The following S100Z variants were observed in gnomAD, a reference collection of about 807,000 sequenced individuals.
S100Z encodes protein S100-Z.
A neutral mutation model predicts 8.5 loss-of-function variants in S100Z; 11 were observed. The ratio of observed to expected loss-of-function variants is 1.30; its 90% CI spans 0.82 to 2.15. The LOEUF (loss-of-function observed/expected upper bound fraction) is 2.15. Ranked by LOEUF, S100Z falls within the 30% of genes most tolerant of loss-of-function variation. S100Z has a pLI of 0.00. For missense variants in S100Z, 126 were observed against 117.9 expected (o/e 1.07, Z -0.32); for synonymous variants, 34 against 43.8 (o/e 0.78, Z 0.89).
intron 1 of S100Z, among the ~76,000 whole-genome samples, chr5:76,862,706 G>A (rs1249094695): frequency 1.3e-5 from 2 of 152,096 alleles, no homozygotes; most frequent in Non-Finnish European, 2.9e-5. Flanking sequence ...GGAGGCTGAG[G>A]CATGAGTATG....
chr5:76,853,912 G>A (rs1273070548), intron 1 of S100Z, among the ~76,000 whole-genome samples: 1 of 152,124 alleles, frequency 6.6e-6, no homozygotes, highest in African/African-American at 2.4e-5. Flanking sequence ...CCTTGGTGCT[G>A]TTCTCATGAT....
intron 4 of S100Z, among the ~76,000 whole-genome samples, chr5:76,898,936 T>TTTC: frequency 7.1e-6 from 1 of 140,804 alleles, no homozygotes. Context: ...TTCTTTTCTT[T>TTTC]TTTTTTTTTT....
intron 1 of S100Z, among the ~76,000 whole-genome samples, chr5:76,861,210 A>G (rs920451715): frequency 6.6e-6 from 1 of 152,140 alleles, no homozygotes; most frequent in Non-Finnish European, 1.5e-5. Context: ...GTCAGTTGGT[A>G]CTGGTTGCCA....
chr5:76,885,361 G>A (rs1171264888), intron 4 of S100Z, among the ~76,000 whole-genome samples: 1 of 150,776 alleles, frequency 6.6e-6, no homozygotes, highest in African/African-American at 2.4e-5. Flanking sequence ...AAACGGGGTG[G>A]GAGGTGCTTA....
intron 4 of S100Z, among the ~76,000 whole-genome samples, chr5:76,907,107 CTTTT>C (rs1197936498): frequency 2.0e-5 from 3 of 148,344 alleles, no homozygotes; most frequent in African/African-American, 7.5e-5. Context: ...ATTGAAGGTT[CTTTT>C]TTGATGATTG....
intron 4 of S100Z, among the ~76,000 whole-genome samples, chr5:76,902,767 C>G (rs1026488610): frequency 3.9e-5 from 6 of 152,032 alleles, no homozygotes; most frequent in Admixed American, 1.3e-4. Context: ...TTTAGATGCT[C>G]TCTTTCCACA....
chr5:76,910,972 G>A (rs1744633799), intron 4 of S100Z, among the ~76,000 whole-genome samples: 1 of 152,140 alleles, frequency 6.6e-6, no homozygotes, highest in Admixed American at 6.5e-5. Context: ...CCTTATTAGG[G>A]AGGGATATAT....
chr5:76,926,274 G>A (rs1003843313), downstream of S100Z, among the ~76,000 whole-genome samples: 2 of 152,182 alleles, frequency 1.3e-5, no homozygotes, highest in Non-Finnish European at 2.9e-5. Context: ...TAGCCGTGAG[G>A]GTTGGGGCAG....
At chr5:76,900,000 C>T (rs1345216062) in intron 4 of S100Z, among the ~76,000 whole-genome samples, 2 of 152,192 alleles carry the variant, frequency 1.3e-5, no homozygotes, top group Admixed American at 1.3e-4. Context: ...GATATTTTCA[C>T]TGGATATACT....
At chr5:76,871,318 G>T (rs6453260) in intron 2 of S100Z, among the ~76,000 whole-genome samples, 2 of 151,874 alleles carry the variant, frequency 1.3e-5, no homozygotes, top group East Asian at 1.9e-4. Context: ...AAATTAACTA[G>T]GAATTTGACA....
intron 4 of S100Z, among the ~76,000 whole-genome samples, chr5:76,917,643 C>T (rs1431164967): frequency 2.0e-5 from 3 of 151,948 alleles, no homozygotes; most frequent in Admixed American, 6.6e-5. Flanking sequence ...GCCAACATGG[C>T]GAAACCCCAT....
intron 1 of S100Z, among the ~76,000 whole-genome samples, chr5:76,862,944 G>T (rs1046975176): frequency 3.0e-4 from 45 of 152,256 alleles, no homozygotes; most frequent in African/African-American, 1.1e-3. Context: ...TTCTTTTGTT[G>T]TTTTGTCTTT....
At chr5:76,933,412 C>A in the S100Z span, among the ~76,000 whole-genome samples, 1 of 152,162 alleles carries the variant, frequency 6.6e-6, no homozygotes, top group Non-Finnish European at 1.5e-5. Flanking sequence ...GGAGGAATCA[C>A]CTCAAACAGT....
chr5:76,912,311 G>A (rs1483433300), intron 4 of S100Z, among the ~76,000 whole-genome samples: 1 of 152,184 alleles, frequency 6.6e-6, no homozygotes, highest in African/African-American at 2.4e-5. Context: ...GGACCCAATC[G>A]AGGATGATCA....
At chr5:76,916,246 C>T (rs1744851498) in intron 4 of S100Z, among the ~76,000 whole-genome samples, 1 of 151,240 alleles carries the variant, frequency 6.6e-6, no homozygotes, top group Non-Finnish European at 1.5e-5. Context: ...GCATAGCAAT[C>T]CTAATTATAT....
intron 4 of S100Z, among the ~76,000 whole-genome samples, chr5:76,915,458 A>T (rs984593456): frequency 2.0e-5 from 3 of 151,580 alleles, no homozygotes; most frequent in African/African-American, 4.8e-5. Context: ...TACAAAAAAA[A>T]TTAGCCAGGC....
intron 3 of S100Z, among the ~76,000 whole-genome samples, chr5:76,876,369 G>A (rs1743193165): frequency 6.8e-6 from 1 of 147,054 alleles, no homozygotes; most frequent in East Asian, 1.9e-4. Context: ...TTTGGCTACT[G>A]TATTTTTTTT....
At chr5:76,906,072 C>A (rs1408403809) in intron 4 of S100Z, among the ~76,000 whole-genome samples, 1 of 152,196 alleles carries the variant, frequency 6.6e-6, no homozygotes, top group Non-Finnish European at 1.5e-5. Context: ...TCAAGCAATT[C>A]CCCTGCCTTG....
chr5:76,942,099 A>G, the S100Z span, among the ~76,000 whole-genome samples: 5 of 151,900 alleles, frequency 3.3e-5, no homozygotes, highest in Admixed American at 6.6e-5. Flanking sequence ...GGGACCTACC[A>G]TATAAATATT....
Sources: allele counts gnomAD v4.1 joint callset (sites outside exome capture counted in the v4.1 genomes callset), GRCh38; gene constraint gnomAD v4.1.1; transcripts MANE v1.5; gene names NCBI Gene and HGNC (gene_info 2026-07-23, HGNC 2026-07-21).